PHACTR1: variants seen among roughly 807,000 people sequenced by gnomAD.
The protein encoded by PHACTR1 is phosphatase and actin regulator 1, also known as RPEL repeat containing 1.
A neutral mutation model predicts 69.2 loss-of-function variants in PHACTR1; 16 were observed. The ratio of observed to expected loss-of-function variants is 0.23; its 90% CI spans 0.16 to 0.35. The LOEUF (loss-of-function observed/expected upper bound fraction) is 0.35, where lower values mean the gene tolerates loss of function less well. Among genes scored for constraint, PHACTR1 ranks in the 10% least tolerant of loss-of-function variants. PHACTR1 has a pLI of 1.00. For synonymous variants in PHACTR1, 312 were observed against 284.5 expected (o/e 1.10, Z -0.97); for missense variants, 510 against 734.7 (o/e 0.69, Z 3.54).
intron 3 of PHACTR1, among the ~76,000 whole-genome samples, chr6:12,744,424 C>G (rs1353274950): frequency 6.6e-6 from 1 of 152,152 alleles, no homozygotes; most frequent in East Asian, 1.9e-4. Context: ...ATTTTGTTCA[C>G]AGGAGTACAC....
At chr6:12,861,415 G>T (rs950994749) in intron 4 of PHACTR1, among the ~76,000 whole-genome samples, 1 of 152,268 alleles carries the variant, frequency 6.6e-6, no homozygotes, top group East Asian at 1.9e-4. Context: ...CTTAGACTAG[G>T]ACATCCCATA....
intron 5 of PHACTR1, among the ~76,000 whole-genome samples, chr6:13,106,011 C>T (rs1816070041): frequency 1.3e-5 from 2 of 152,112 alleles, no homozygotes; most frequent in African/African-American, 4.8e-5. Context: ...GTGTCTGGTG[C>T]AGCATTAGTA....
intron 4 of PHACTR1, chr6:12,933,573 T>A (rs968615613): frequency 6.3e-7 from 1 of 1,591,820 alleles, no homozygotes; most frequent in African/African-American, 1.3e-5. Flanking sequence ...CTTCTTGTTA[T>A]CTCTTTGTTA....
intron 4 of PHACTR1, among the ~76,000 whole-genome samples, chr6:12,821,743 C>T (rs1275668495): frequency 6.6e-6 from 1 of 152,092 alleles, no homozygotes; most frequent in Non-Finnish European, 1.5e-5. Context: ...GGGTTAAGGG[C>T]TTTATAAATG....
chr6:12,861,122 A>C (rs1780895076), intron 4 of PHACTR1, among the ~76,000 whole-genome samples: 1 of 152,210 alleles, frequency 6.6e-6, no homozygotes, highest in Admixed American at 6.5e-5. Flanking sequence ...AACTACCAAA[A>C]TGTAAACATT....
chr6:12,743,791 C>G (rs1226187333), intron 3 of PHACTR1, among the ~76,000 whole-genome samples: 1 of 152,196 alleles, frequency 6.6e-6, no homozygotes, highest in Non-Finnish European at 1.5e-5. Context: ...GAACTCAGCT[C>G]TGCACCAAGT....
chr6:13,222,032 C>T (rs1377796864), intron 8 of PHACTR1, among the ~76,000 whole-genome samples: 1 of 147,332 alleles, frequency 6.8e-6, no homozygotes, highest in Non-Finnish European at 1.5e-5. Flanking sequence ...GAGACTCCAT[C>T]TCAAAAAAAA....
chr6:13,162,962 C>T (rs1167991610), intron 6 of PHACTR1, among the ~76,000 whole-genome samples: 2 of 152,048 alleles, frequency 1.3e-5, no homozygotes, highest in African/African-American at 2.4e-5. Context: ...TAAGTGGCTG[C>T]GGGCCGGGCT....
At chr6:12,717,288 A>G (rs1761506074) in intron 1 of PHACTR1, among the ~76,000 whole-genome samples, 2 of 152,066 alleles carry the variant, frequency 1.3e-5, no homozygotes, top group Admixed American at 6.6e-5. Flanking sequence ...TAATCATTTC[A>G]TATTCTATTC....
intron 4 of PHACTR1, among the ~76,000 whole-genome samples, chr6:12,938,233 CCTGTCCTA>C (rs1354290578): frequency 6.6e-6 from 1 of 152,154 alleles, no homozygotes; most frequent in Admixed American, 6.5e-5. Flanking sequence ...ATTGTTATTT[CCTGTCCTA>C]CTGTTTTTCA....
chr6:13,257,530 A>G (rs1775347750), intron 10 of PHACTR1, among the ~76,000 whole-genome samples: 2 of 152,388 alleles, frequency 1.3e-5, no homozygotes, highest in South Asian at 4.1e-4. Context: ...TGGAAATAAA[A>G]TAAAATAAAT....
chr6:12,867,162 CCTGGGTATTTGTA>C (rs1264033889), intron 4 of PHACTR1, among the ~76,000 whole-genome samples: 2 of 152,090 alleles, frequency 1.3e-5, no homozygotes, highest in Non-Finnish European at 2.9e-5. Flanking sequence ...GGACCTCCAG[CCTGGGTATTTGTA>C]CTGGTCTCTT....
rs773002310 is a variant in PHACTR1, at chr6:13,110,312, C to T, written c.416-49892C>T. Among the ~76,000 whole-genome samples the T allele has an allele frequency of 6.6e-5, 10 of 152,114 alleles. No homozygotes were observed. In the East Asian group the frequency reaches 7.7e-4, roughly 12 times the overall value. On this transcript the variant is annotated intron_variant, in intron 5 of 14. Transcript: ENST00000332995. ...CCAAAGCTTGCTTTTAAGTTTGTTT[C>T]GGATGGATGTAAGGTAGCTTTTCCT...
chr6:12,952,627 A>G lies in PHACTR1; in HGVS notation c.251-100738A>G, dbSNP rs114100153. ...TATTTATGCATACGCCTCCTGAAGG[A>G]CATCTTGATTGCTTCCAACTTTTGG... On this transcript the variant is annotated intron_variant, in intron 4 of 14. Coordinates refer to ENST00000332995, the MANE Select transcript of PHACTR1 (RefSeq NM_030948.6). Among the ~76,000 whole-genome samples, 501 of 152,262 alleles carry G rather than the reference A, an allele frequency of 3.3e-3. 2 individuals carry two copies. The highest frequency in any genetic ancestry group is 6.8e-3 in the Middle Eastern group (2 of 294).
chr6:13,172,989 C>G (rs185646796), intron 6 of PHACTR1, among the ~76,000 whole-genome samples: 6 of 152,336 alleles, frequency 3.9e-5, no homozygotes, highest in Admixed American at 1.3e-4. Flanking sequence ...AAAGACTTGG[C>G]TGCAGGTAGG....
intron 4 of PHACTR1, among the ~76,000 whole-genome samples, chr6:12,927,669 A>G (rs1483949751): frequency 6.6e-6 from 1 of 152,226 alleles, no homozygotes; most frequent in Non-Finnish European, 1.5e-5. Flanking sequence ...CATAGGTACC[A>G]TGCATGCATA....
At chr6:13,053,749 T>C (rs1806347983) in intron 5 of PHACTR1, among the ~76,000 whole-genome samples, 1 of 152,232 alleles carries the variant, frequency 6.6e-6, no homozygotes, top group African/African-American at 2.4e-5. Context: ...GTTTTTAAAC[T>C]AAAGAACCAC....
intron 8 of PHACTR1, among the ~76,000 whole-genome samples, chr6:13,224,992 G>C (rs76513750): frequency 2.4e-3 from 363 of 152,280 alleles, no homozygotes; most frequent in African/African-American, 8.4e-3. Flanking sequence ...GTCAAGAAGA[G>C]AGTAAGTGGC....
At chr6:12,846,490 A>T (rs906104953) in intron 4 of PHACTR1, among the ~76,000 whole-genome samples, 17 of 152,180 alleles carry the variant, frequency 1.1e-4, no homozygotes, top group African/African-American at 4.1e-4. Context: ...ATGTTTCCTA[A>T]CAAAACTGAG....
Sources: gnomAD v4.1 joint callset for allele counts (sites outside exome capture counted in the v4.1 genomes callset) on GRCh38, gnomAD v4.1.1 for gene constraint, MANE v1.5 for transcripts, NCBI Gene and HGNC (gene_info 2026-07-23, HGNC 2026-07-21) for gene names.